DLC1: variants seen among roughly 807,000 people sequenced by gnomAD.
DLC1 encodes rho GTPase-activating protein 7.
DLC1 carries 54 observed loss-of-function variants against 140.3 expected under a neutral mutation model. That is an observed-to-expected ratio of 0.38 (90% confidence interval 0.31 to 0.48). The LOEUF (loss-of-function observed/expected upper bound fraction) is 0.48, where lower values mean the gene tolerates loss of function less well. Among genes scored for constraint, DLC1 ranks in the 20% least tolerant of loss-of-function variants. DLC1 has a pLI of 0.96. For missense variants in DLC1, 2,536 were observed against 1,907.0 expected, an observed-to-expected ratio of 1.33 and a Z score of -6.14; for synonymous variants, 986 against 728.1, an observed-to-expected ratio of 1.35 and a Z score of -5.70.
chr8:13,108,895 T>C (rs973468232), intron 7 of DLC1, among the ~76,000 whole-genome samples: 3 of 152,188 alleles, frequency 2.0e-5, no homozygotes, highest in African/African-American at 7.2e-5. Flanking sequence ...TCTGGTTTCA[T>C]TCCCGATGAT....
chr8:13,273,870 C>A (rs553781196), intron 5 of DLC1, among the ~76,000 whole-genome samples: 2 of 152,060 alleles, frequency 1.3e-5, no homozygotes, highest in Non-Finnish European at 2.9e-5. Context: ...AAACTAAAAT[C>A]TCAGATTAGT....
intron 5 of DLC1, among the ~76,000 whole-genome samples, chr8:13,234,148 G>T (rs1829178159): frequency 6.6e-6 from 1 of 152,122 alleles, no homozygotes; most frequent in Non-Finnish European, 1.5e-5. Flanking sequence ...ACTAAAAGCT[G>T]GGTCTAAAGC....
At chr8:13,450,824 A>C (rs1220699907) in intron 2 of DLC1, among the ~76,000 whole-genome samples, 1 of 151,984 alleles carries the variant, frequency 6.6e-6, no homozygotes, top group Non-Finnish European at 1.5e-5. Context: ...GCGGATCAGG[A>C]GGTCAAGATA....
intron 1 of DLC1, among the ~76,000 whole-genome samples, chr8:13,511,790 C>G (rs570701353): frequency 1.3e-5 from 2 of 152,130 alleles, no homozygotes; most frequent in African/African-American, 4.8e-5. Flanking sequence ...TGGAACTTTG[C>G]CATACTGTAA....
intron 5 of DLC1, among the ~76,000 whole-genome samples, chr8:13,210,292 T>A (rs1191625168): frequency 1.3e-5 from 2 of 152,232 alleles, no homozygotes; most frequent in African/African-American, 4.8e-5. Flanking sequence ...ATTCTGGGTA[T>A]CTTTAAATAC....
At position 13,499,574 on chromosome 8, in the gene DLC1, T is replaced by G. The variant is rs781583407; in HGVS notation, c.498A>C (p.Ile166=). ...SNQVSSNSWG[I]AGETELALVK... ...CCAGTGCTAATTCAGTTTCACCAGC[T>G]ATTCCCCAGGAGTTAGAAGAAACTT... is the stretch of plus-strand genomic sequence containing the variant. Residue 166 remains isoleucine, a synonymous_variant, in exon 2 of 18, where the codon ATA becomes ATC. Transcript: ENST00000276297. The G allele has an allele frequency of 6.2e-7, 1 of 1,614,184 alleles. No homozygotes were observed. The highest frequency in any genetic ancestry group is 1.1e-5 in the South Asian group (1 of 91,086).
intron 4 of DLC1, among the ~76,000 whole-genome samples, chr8:13,344,662 G>A (rs371786191): frequency 6.8e-4 from 103 of 152,318 alleles, no homozygotes; most frequent in African/African-American, 2.3e-3. Flanking sequence ...ATGAAGTGGT[G>A]CATAAGGCTA....
At chr8:13,119,930 T>C (rs922016822) in intron 5 of DLC1, among the ~76,000 whole-genome samples, 23 of 150,120 alleles carry the variant, frequency 1.5e-4, no homozygotes, top group South Asian at 8.4e-4. Context: ...AAAAAAAAAC[T>C]TATAAAAAAA....
chr8:13,274,558 T>G (rs1298075110), intron 5 of DLC1, among the ~76,000 whole-genome samples: 1 of 152,216 alleles, frequency 6.6e-6, no homozygotes, highest in Admixed American at 6.5e-5. Context: ...TTTCATTAAT[T>G]TACACTTGCT....
intron 5 of DLC1, among the ~76,000 whole-genome samples, chr8:13,282,889 G>A (rs1352164639): frequency 6.6e-6 from 1 of 152,092 alleles, no homozygotes; most frequent in African/African-American, 2.4e-5. Flanking sequence ...ACTTCCTTCT[G>A]AGGAAAAACC....
chr8:13,193,403 A>T (rs1188269010), intron 5 of DLC1, among the ~76,000 whole-genome samples: 1 of 152,144 alleles, frequency 6.6e-6, no homozygotes, highest in Non-Finnish European at 1.5e-5. Context: ...AAAGTCTTAA[A>T]AATGTTATTT....
chr8:13,291,142 C>T (rs1159872582), intron 5 of DLC1, among the ~76,000 whole-genome samples: 1 of 152,170 alleles, frequency 6.6e-6, no homozygotes, highest in African/African-American at 2.4e-5. Flanking sequence ...CTCCTGGCCT[C>T]AAGTGATCTG....
chr8:13,579,364 T>TATATA lies in DLC1; in HGVS notation c.-126+25172_-126+25173insTATAT, dbSNP rs1563454126. ...ATATATATATATATATATATATATT[T>TATATA]TTATATAATACATATTTATATATTA... On this transcript the variant is annotated intron_variant, in intron 1 of 1. Coordinates refer to the DLC1 transcript ENST00000631382. Among the ~76,000 whole-genome samples, 50 of 37,260 alleles carry TATATA rather than the reference T, an allele frequency of 1.3e-3. 3 individuals carry two copies. The highest frequency in any genetic ancestry group is 2.9e-3 in the African/African-American group (18 of 6,296). The allele number at this position is 37,260 out of a possible 152,430, so 24.4% of individuals were successfully genotyped here.
At position 13,263,337 on chromosome 8, in the gene DLC1, A is replaced by G. The variant is rs531494198; in HGVS notation, c.1348+41932T>C. 4.6e-5 allele frequency among the ~76,000 whole-genome samples: 7 copies of G among 152,186 alleles called. No homozygotes were observed. In the South Asian group the frequency reaches 1.5e-3, roughly 32 times the overall value. On this transcript the variant is annotated intron_variant, in intron 5 of 17. Coordinates refer to ENST00000276297, the MANE Select transcript of DLC1 (RefSeq NM_182643.3). ...CAGATGGTCGCTCTTTCCATTTCCTATCCTCAGCACCTACCTCAGCTGTGT... is the reference window on the plus strand; with the variant it reads ...CAGATGGTCGCTCTTTCCATTTCCTGTCCTCAGCACCTACCTCAGCTGTGT...
At chr8:13,251,863 A>G (rs1347665404) in intron 5 of DLC1, among the ~76,000 whole-genome samples, 1 of 152,232 alleles carries the variant, frequency 6.6e-6, no homozygotes, top group Non-Finnish European at 1.5e-5. Flanking sequence ...TATTAGAGAC[A>G]ACATAGTTGG....
chr8:13,110,796 A>G lies in DLC1; in HGVS notation c.1448T>C (p.Leu483Ser), dbSNP rs376044889. The G allele has an allele frequency of 5.1e-5, 82 of 1,614,022 alleles. No individual in the cohort carries two copies. The highest frequency in any genetic ancestry group is 6.6e-5 in the Non-Finnish European group (78 of 1,180,032). ...EDFLFPIDIS[L>S]VKREHDFLDR... is the part of the protein sequence containing the mutation. ...CAAAAAATCATGCTCTCTCTTGACC[A>G]AGGAAATATCGATGGGGAACAGGAA... The change falls in exon 7 of 18, where the codon TTG becomes TCG. Residue 483 changes from leucine to serine, a missense_variant. Physicochemically the swap from Leu to Ser is moderately radical, Grantham distance 145 (BLOSUM62 -2). Coordinates refer to ENST00000276297, the MANE Select transcript of DLC1 (RefSeq NM_182643.3).
chr8:13,198,439 G>A (rs572923164), intron 5 of DLC1, among the ~76,000 whole-genome samples: 1 of 152,248 alleles, frequency 6.6e-6, no homozygotes, highest in South Asian at 2.1e-4. Context: ...GTCATTTCAG[G>A]ACAGTTTTCC....
chr8:13,229,639 AAGAGAGAGAGAAAGAG>A (rs1455724657), intron 5 of DLC1, among the ~76,000 whole-genome samples: 2 of 151,152 alleles, frequency 1.3e-5, no homozygotes, highest in Admixed American at 6.6e-5. Flanking sequence ...GAGAAGAAGG[AAGAGAGAGAGAAAGAG>A]AGAGAGAGAG....
At chr8:13,282,241 A>G (rs56062242) in intron 5 of DLC1, among the ~76,000 whole-genome samples, 20,127 of 152,004 alleles carry the variant, frequency 0.13, 1,615 homozygotes, top group South Asian at 0.21. Flanking sequence ...CTCTCTCTGG[A>G]GCTGTTTGTT....
Sources: allele counts gnomAD v4.1 joint callset (sites outside exome capture counted in the v4.1 genomes callset), GRCh38; gene constraint gnomAD v4.1.1; transcripts MANE v1.5; gene names NCBI Gene and HGNC (gene_info 2026-07-23, HGNC 2026-07-21).